The following ARHGAP15 variants were observed in gnomAD, a reference collection of about 807,000 sequenced individuals.
ARHGAP15 encodes rho GTPase-activating protein 15.
In ARHGAP15, 51 loss-of-function variants were observed where a neutral mutation model predicts 63.7. The observed-to-expected ratio is 0.80, with a 90% CI of 0.64 to 1.01. The LOEUF (loss-of-function observed/expected upper bound fraction) is 1.01. Ranked by LOEUF, ARHGAP15 falls within the 50% of genes least tolerant of loss-of-function variation. The probability of loss-of-function intolerance (pLI) is 0.00; values close to 1 mark genes in which losing one functional copy is unlikely to be tolerated. For synonymous variants in ARHGAP15, 191 were observed against 193.8 expected (o/e 0.99, Z 0.12); for missense variants, 560 against 564.6 (o/e 0.99, Z 0.08).
At chr2:143,294,462 A>G (rs1397569540) in intron 6 of ARHGAP15, among the ~76,000 whole-genome samples, 5 of 152,040 alleles carry the variant, frequency 3.3e-5, no homozygotes, top group South Asian at 2.1e-4. Context: ...CAGCATGGAC[A>G]TTGTTGATTG....
chr2:143,356,130 A>G (rs747099123), intron 6 of ARHGAP15, among the ~76,000 whole-genome samples: 5 of 152,058 alleles, frequency 3.3e-5, no homozygotes, highest in Non-Finnish European at 7.4e-5. Context: ...TCATCCGAAG[A>G]GATAGTGTTG....
chr2:143,449,086 A>G (rs1359667749), intron 8 of ARHGAP15, among the ~76,000 whole-genome samples: 3 of 152,048 alleles, frequency 2.0e-5, no homozygotes, highest in Non-Finnish European at 4.4e-5. Flanking sequence ...CCAACCCATG[A>G]TTACGGACTA....
chr2:143,739,861 A>G (rs1183727546), intron 13 of ARHGAP15, among the ~76,000 whole-genome samples: 1 of 152,206 alleles, frequency 6.6e-6, no homozygotes, highest in East Asian at 1.9e-4. Flanking sequence ...CCCTGTTACT[A>G]AAATGCACCT....
chr2:143,654,346 T>C (rs1012382459), intron 12 of ARHGAP15, among the ~76,000 whole-genome samples: 7 of 152,164 alleles, frequency 4.6e-5, no homozygotes, highest in African/African-American at 1.7e-4. Context: ...CCTGCAATCA[T>C]CCTCAGTGAG....
chr2:143,183,046 G>A lies in ARHGAP15; in HGVS notation c.166-19088G>A, dbSNP rs141042062. 3.9e-5 allele frequency among the ~76,000 whole-genome samples: 6 copies of A among 152,326 alleles called. No individual in the cohort carries two copies. In the East Asian group the frequency reaches 1.2e-3, roughly 29 times the overall value. Reference sequence around the variant, plus strand: ...TAAAGGAGAGAGGGAAGGGCTACAAGAATGCTTACATTAGACCTAGCACTT... The same window carrying A: ...TAAAGGAGAGAGGGAAGGGCTACAAAAATGCTTACATTAGACCTAGCACTT... On this transcript the variant is annotated intron_variant, in intron 2 of 13. Transcript: ENST00000295095.
intron 12 of ARHGAP15, among the ~76,000 whole-genome samples, chr2:143,634,984 T>A (rs1195341691): frequency 6.6e-6 from 1 of 152,102 alleles, no homozygotes; most frequent in East Asian, 1.9e-4. Context: ...TCCAAAGTGA[T>A]ACCTTCTCTC....
At chr2:143,433,775 T>C (rs1185583723) in intron 6 of ARHGAP15, among the ~76,000 whole-genome samples, 1 of 151,920 alleles carries the variant, frequency 6.6e-6, no homozygotes, top group Non-Finnish European at 1.5e-5. Context: ...GGTTTATTTA[T>C]ACTGGCAGAG....
At chr2:143,657,395 T>A (rs1681512097) in intron 12 of ARHGAP15, among the ~76,000 whole-genome samples, 1 of 152,146 alleles carries the variant, frequency 6.6e-6, no homozygotes. Flanking sequence ...TGAAATACTA[T>A]GTTTATGTGT....
chr2:143,752,466 G>A lies in ARHGAP15; in HGVS notation c.1245-15523G>A, dbSNP rs551368711. The stretch of plus-strand genomic sequence containing the variant: ...CACCAGGGTGAGTTTTCACAATTGG[G>A]CTGCCACCTTGTGCCAGGACCCGCC... On this transcript the variant is annotated intron_variant, in intron 13 of 13. Coordinates refer to ENST00000295095, the MANE Select transcript of ARHGAP15 (RefSeq NM_018460.4). Among the ~76,000 whole-genome samples the A allele has an allele frequency of 3.9e-5, 6 of 152,236 alleles. No homozygotes were observed. In the South Asian group the frequency reaches 6.2e-4, roughly 16 times the overall value.
At chr2:143,626,566 A>G (rs1038026472) in intron 12 of ARHGAP15, among the ~76,000 whole-genome samples, 2 of 152,012 alleles carry the variant, frequency 1.3e-5, no homozygotes, top group Non-Finnish European at 2.9e-5. Context: ...CCAGCGGGTT[A>G]CCCCTGCTGG....
intron 3 of ARHGAP15, 61 bp downstream of exon 3, chr2:143,202,263 C>A: frequency 1.4e-6 from 2 of 1,380,710 alleles, no homozygotes; most frequent in Non-Finnish European, 2.1e-6. Context: ...CCACAAAACT[C>A]AGCAACTTAG....
chr2:143,591,037 A>T (rs932035021), intron 11 of ARHGAP15, among the ~76,000 whole-genome samples: 1 of 152,148 alleles, frequency 6.6e-6, no homozygotes, highest in Admixed American at 6.5e-5. Context: ...CCTACCCAGG[A>T]GTTATTTCTT....
chr2:143,325,386 AAC>A (rs1684204840), intron 6 of ARHGAP15, among the ~76,000 whole-genome samples: 1 of 152,046 alleles, frequency 6.6e-6, no homozygotes, highest in Non-Finnish European at 1.5e-5. Flanking sequence ...TCCTCAACAA[AAC>A]ACCTCATTTT....
chr2:143,313,678 G>A (rs931049132), intron 6 of ARHGAP15, among the ~76,000 whole-genome samples: 1 of 152,104 alleles, frequency 6.6e-6, no homozygotes, highest in South Asian at 2.1e-4. Context: ...TCTATCTTTA[G>A]GTTTGCCAAA....
chr2:143,605,593 C>T (rs1182591656), intron 11 of ARHGAP15, among the ~76,000 whole-genome samples: 1 of 152,008 alleles, frequency 6.6e-6, no homozygotes, highest in Non-Finnish European at 1.5e-5. Flanking sequence ...TGATCCCTAG[C>T]TAATCATGAT....
At chr2:143,283,650 T>C (rs886122447) in intron 6 of ARHGAP15, among the ~76,000 whole-genome samples, 1 of 152,186 alleles carries the variant, frequency 6.6e-6, no homozygotes, top group African/African-American at 2.4e-5. Context: ...GTAATAATAT[T>C]AAGGCTTTAC....
chr2:143,678,729 T>C (rs1682947781), intron 12 of ARHGAP15, among the ~76,000 whole-genome samples: 1 of 152,246 alleles, frequency 6.6e-6, no homozygotes, highest in African/African-American at 2.4e-5. Flanking sequence ...TTTGATAAGA[T>C]CATTTATGTG....
chr2:143,299,449 G>T (rs900907403), intron 6 of ARHGAP15, among the ~76,000 whole-genome samples: 2 of 151,986 alleles, frequency 1.3e-5, no homozygotes, highest in South Asian at 2.1e-4. Flanking sequence ...CTTTATTGAT[G>T]ACATCTCATT....
chr2:143,446,875 A>G (rs10195443), intron 8 of ARHGAP15, among the ~76,000 whole-genome samples: 149,984 of 151,394 alleles, frequency 0.99, 74,308 homozygotes, highest in Middle Eastern at 1. Flanking sequence ...GAGAATATGC[A>G]GTGTTTGGGT....
Sources: gnomAD v4.1 joint callset for allele counts (sites outside exome capture counted in the v4.1 genomes callset) on GRCh38, gnomAD v4.1.1 for gene constraint, MANE v1.5 for transcripts, NCBI Gene and HGNC (gene_info 2026-07-23, HGNC 2026-07-21) for gene names.